EDNRB: variants seen among roughly 807,000 people sequenced by gnomAD.
The protein encoded by EDNRB is endothelin receptor type B.
Under a neutral mutation model 46.4 loss-of-function variants are expected in EDNRB, and 18 were observed. The ratio of observed to expected loss-of-function variants is 0.39; its 90% CI spans 0.27 to 0.57. EDNRB has a LOEUF of 0.57. Ranked by LOEUF, EDNRB falls within the 20% of genes least tolerant of loss-of-function variation. The probability of loss-of-function intolerance (pLI) is 0.61; values close to 1 mark genes in which losing one functional copy is unlikely to be tolerated. For synonymous variants in EDNRB, 213 were observed against 204.9 expected, an observed-to-expected ratio of 1.04 and a Z score of -0.34; for missense variants, 434 against 537.5, an observed-to-expected ratio of 0.81 and a Z score of 1.90.
At position 77,918,558 on chromosome 13, in the gene EDNRB, T is replaced by C; in HGVS notation, c.16A>G (p.Ser6Gly). 1.9e-6 allele frequency: 3 copies of C among 1,598,796 alleles called. No homozygotes were observed. Among genetic ancestry groups the C allele is most frequent in the Middle Eastern group, 1.7e-4 (1 of 5,978 alleles). Residue 6 changes from serine to glycine, a missense_variant, in exon 1 of 7, where the codon AGT becomes GGT. Transcript: ENST00000646607. The surrounding 1 kb of genome is among the most constrained non-coding windows in gnomAD (Gnocchi z 4.5). Reference protein sequence around the residue: MQPPPSLCGRALVALV... With the variant: MQPPPGLCGRALVALV... Reference sequence around the variant, plus strand: ...GCAACCAGGGCGCGTCCGCACAGACTTGGAGGCGGCTGCATGCTGCTACCT... The same window carrying C: ...GCAACCAGGGCGCGTCCGCACAGACCTGGAGGCGGCTGCATGCTGCTACCT...
intron 1 of EDNRB, among the ~76,000 whole-genome samples, chr13:77,926,229 C>T (rs547204272): frequency 3.3e-5 from 5 of 152,132 alleles, no homozygotes; most frequent in Admixed American, 1.3e-4. Flanking sequence ...TTTCTGTAGC[C>T]GGCTTGAATG....
At position 77,927,027 on chromosome 13, in the gene EDNRB, C is replaced by T. The variant is rs191912149; in HGVS notation, c.-51-8403G>A. ...ACTGCCCCCATGATTCAAATTATTT[C>T]CCGCCAGGTATCTCCAACAACATGT... is the stretch of plus-strand genomic sequence containing the variant. On this transcript the variant is annotated intron_variant, in intron 1 of 7. Coordinates refer to the EDNRB transcript ENST00000646948. Among the ~76,000 whole-genome samples the T allele has an allele frequency of 1.1e-3, 170 of 152,338 alleles. 1 individual carries two copies. The highest frequency in any genetic ancestry group is 8.4e-4 in the Non-Finnish European group (57 of 68,024).
At chr13:77,936,526 A>G (rs1266308426) in intron 1 of EDNRB, among the ~76,000 whole-genome samples, 1 of 152,126 alleles carries the variant, frequency 6.6e-6, no homozygotes, top group Non-Finnish European at 1.5e-5. Context: ...CACTGTGAGA[A>G]TTACTTAGAG....
chr13:77,933,653 TAAG>T (rs1183958885), intron 1 of EDNRB, among the ~76,000 whole-genome samples: 1 of 152,044 alleles, frequency 6.6e-6, no homozygotes, highest in Non-Finnish European at 1.5e-5. Flanking sequence ...CTTATATTAA[TAAG>T]AAAAATAAAA....
intron 1 of EDNRB, among the ~76,000 whole-genome samples, chr13:77,957,051 T>A (rs1213658683): frequency 1.3e-5 from 2 of 152,260 alleles, no homozygotes; most frequent in East Asian, 3.8e-4. Flanking sequence ...CTTTGTGATT[T>A]GTGTGAATAA....
At chr13:77,955,420 T>G (rs768117735) in intron 1 of EDNRB, among the ~76,000 whole-genome samples, 9 of 152,314 alleles carry the variant, frequency 5.9e-5, no homozygotes, top group Middle Eastern at 3.4e-3. Flanking sequence ...ATTCTGTTGG[T>G]TCCCATTTTA....
chr13:77,932,021 A>G (rs1880423690), intron 1 of EDNRB, among the ~76,000 whole-genome samples: 1 of 150,380 alleles, frequency 6.6e-6, no homozygotes, highest in South Asian at 2.1e-4. Flanking sequence ...GTTTTACAAC[A>G]TAGACTTAAT....
chr13:77,923,565 G>A (rs531496926), upstream of EDNRB, among the ~76,000 whole-genome samples: 1 of 152,204 alleles, frequency 6.6e-6, no homozygotes, highest in East Asian at 1.9e-4. Flanking sequence ...TCTTTGGGGA[G>A]TTGTTATTTC....
chr13:77,904,277 T>TA (rs1323920533), intron 1 of EDNRB, among the ~76,000 whole-genome samples: 3 of 152,008 alleles, frequency 2.0e-5, no homozygotes, highest in Admixed American at 6.6e-5. Flanking sequence ...CAACATGACT[T>TA]ACCTTGATCA....
At chr13:77,966,916 G>A (rs372950630) in intron 1 of EDNRB, among the ~76,000 whole-genome samples, 9 of 151,848 alleles carry the variant, frequency 5.9e-5, no homozygotes, top group South Asian at 2.1e-4. Flanking sequence ...TATTTTTTTC[G>A]GCTGACATGT....
chr13:77,969,806 C>T (rs748952545), intron 1 of EDNRB, among the ~76,000 whole-genome samples: 59 of 152,130 alleles, frequency 3.9e-4, no homozygotes, highest in Non-Finnish European at 2.9e-5. Context: ...CCTTGTGTTA[C>T]TAGAAATTAG....
chr13:77,918,154 G>C lies in EDNRB; in HGVS notation c.420C>G (p.Ile140Met), dbSNP rs1046390473. 6 of 1,614,020 alleles carry C rather than the reference G, an allele frequency of 3.7e-6. No homozygotes were observed. The highest frequency in any genetic ancestry group is 4.2e-6 in the Non-Finnish European group (5 of 1,180,038). Residue 140 changes from isoleucine (I) to methionine (M), a missense_variant, in exon 1 of 7, where the codon ATC (isoleucine) becomes ATG (methionine). Ile to Met is a conservative substitution (Grantham distance 10, BLOSUM62 1). Coordinates refer to ENST00000646607, the MANE Select transcript of EDNRB (RefSeq NM_001122659.3). This position sits in a 1 kb window ranked among gnomAD's most constrained non-coding sequence, Gnocchi z 4.5. ...GCAGGTCTCCCAGAGCCAAGCTGGC[G>C]ATCAAGATATTGGGACCGTTTCGCA... The part of the protein sequence containing the change: ...KCMRNGPNIL[I>M]ASLALGDLLH...
At chr13:77,975,418 G>C (rs1881858480) in exon 1 of EDNRB, 1 of 152,262 alleles carries the variant, frequency 6.6e-6, no homozygotes, top group Non-Finnish European at 1.5e-5. Flanking sequence ...ATCCTCCACG[G>C]GGGCCTGCCA....
chr13:77,939,003 C>A (rs557019439), intron 1 of EDNRB, among the ~76,000 whole-genome samples: 11 of 152,322 alleles, frequency 7.2e-5, no homozygotes, highest in Admixed American at 2.0e-4. Context: ...TGTGAAGAGA[C>A]CACCAAACAG....
intron 1 of EDNRB, among the ~76,000 whole-genome samples, chr13:77,954,379 C>T (rs572747147): frequency 6.4e-4 from 98 of 152,154 alleles, no homozygotes; most frequent in Non-Finnish European, 1.3e-3. Flanking sequence ...AAAAATCATG[C>T]AGTGTTTGTC....
chr13:77,950,227 A>G (rs889982529), intron 1 of EDNRB, among the ~76,000 whole-genome samples: 4 of 152,128 alleles, frequency 2.6e-5, no homozygotes, highest in Non-Finnish European at 5.9e-5. Context: ...TATACAGCCA[A>G]ATCAGACATA....
intron 1 of EDNRB, among the ~76,000 whole-genome samples, chr13:77,933,729 G>A (rs1880470423): frequency 7.9e-5 from 12 of 152,124 alleles, no homozygotes; most frequent in Admixed American, 7.9e-4. Context: ...GAGATAATGG[G>A]CGATGTTTCT....
intron 1 of EDNRB, among the ~76,000 whole-genome samples, chr13:77,973,534 A>AT (rs376809877): frequency 9.9e-5 from 15 of 150,888 alleles, no homozygotes; most frequent in African/African-American, 2.2e-4. Context: ...TTACACACAG[A>AT]TTTTTTTTTT....
At chr13:77,947,487 CTTTTTA>C (rs780289400) in intron 1 of EDNRB, 5 of 151,908 alleles carry the variant, frequency 3.3e-5, no homozygotes, top group Admixed American at 1.3e-4. Flanking sequence ...GAAACTTTGT[CTTTTTA>C]TTTTTATTTT....
Sources: gnomAD v4.1 joint callset for allele counts (sites outside exome capture counted in the v4.1 genomes callset) on GRCh38, gnomAD v4.1.1 for gene constraint, Gnocchi (gnomAD v3.1) non-coding constraint, MANE v1.5 for transcripts, NCBI Gene and HGNC (gene_info 2026-07-23, HGNC 2026-07-21) for gene names.